Variants in GKAP1 observed in about 807,000 individuals in gnomAD.
GKAP1 encodes the protein G kinase-anchoring protein 1.
GKAP1 carries 31 observed loss-of-function variants against 56.7 expected under a neutral mutation model. That is an observed-to-expected ratio of 0.55 (90% CI 0.41 to 0.74). The LOEUF is 0.74. Ranked by LOEUF, GKAP1 falls within the 30% of genes least tolerant of loss-of-function variation. The pLI, the probability that GKAP1 is intolerant of heterozygous loss-of-function variation, is 0.00. For synonymous variants in GKAP1, 151 were observed against 138.6 expected (o/e 1.09, Z -0.63); for missense variants, 364 against 402.3 (o/e 0.90, Z 0.82).
intron 2 of GKAP1, among the ~76,000 whole-genome samples, chr9:83,811,764 T>C (rs923657777): frequency 6.6e-6 from 1 of 152,272 alleles, no homozygotes; most frequent in East Asian, 1.9e-4. Flanking sequence ...CTTCCCATTA[T>C]ATTAGACTTT....
chr9:83,741,641 T>A (rs1196610777), intron 12 of GKAP1, among the ~76,000 whole-genome samples: 2 of 152,090 alleles, frequency 1.3e-5, no homozygotes, highest in Non-Finnish European at 2.9e-5. Context: ...TATCACTGTA[T>A]CCAAGTGATC....
intron 3 of GKAP1, among the ~76,000 whole-genome samples, chr9:83,802,561 T>C (rs1356548121): frequency 6.6e-6 from 1 of 151,784 alleles, no homozygotes; most frequent in Non-Finnish European, 1.5e-5. Context: ...AGGAATAGTG[T>C]TGCACACCTG....
chr9:83,791,661 C>G (rs557145255), intron 4 of GKAP1, among the ~76,000 whole-genome samples: 5 of 152,212 alleles, frequency 3.3e-5, no homozygotes, highest in Non-Finnish European at 7.3e-5. Context: ...GCTGTGCCCT[C>G]CCTGCCTATG....
At chr9:83,776,459 G>C (rs1943863710) in intron 7 of GKAP1, among the ~76,000 whole-genome samples, 1 of 152,188 alleles carries the variant, frequency 6.6e-6, no homozygotes. Context: ...CACTTTGGGA[G>C]GCCGAGGCAG....
intron 4 of GKAP1, among the ~76,000 whole-genome samples, chr9:83,792,164 T>C (rs1386578555): frequency 6.6e-6 from 1 of 152,214 alleles, no homozygotes; most frequent in Non-Finnish European, 1.5e-5. Context: ...ATATCAACTG[T>C]ACAAGGTAGT....
At chr9:83,812,357 A>C (rs915726974) in intron 2 of GKAP1, among the ~76,000 whole-genome samples, 1 of 148,200 alleles carries the variant, frequency 6.7e-6, no homozygotes, top group Non-Finnish European at 1.5e-5. Flanking sequence ...ATATATATAT[A>C]TATTTTTTTT....
intron 11 of GKAP1, 119 bp downstream of exon 11, chr9:83,742,411 A>G: frequency 1.5e-6 from 1 of 670,536 alleles, no homozygotes; most frequent in South Asian, 2.1e-5. Context: ...TTACATAATA[A>G]TAAAGTATAA....
At chr9:83,779,480 CATACATAT>C (rs1943922703) in intron 7 of GKAP1, among the ~76,000 whole-genome samples, 6 of 124,148 alleles carry the variant, frequency 4.8e-5, no homozygotes, top group Non-Finnish European at 3.4e-5. Flanking sequence ...TATACATATA[CATACATAT>C]ATACACATAT....
At chr9:83,776,800 T>C (rs1943870431) in intron 7 of GKAP1, among the ~76,000 whole-genome samples, 1 of 152,258 alleles carries the variant, frequency 6.6e-6, no homozygotes, top group Non-Finnish European at 1.5e-5. Flanking sequence ...TCAATTGCAC[T>C]CTGATCATTT....
chr9:83,754,733 G>T (rs1026756703), intron 8 of GKAP1, among the ~76,000 whole-genome samples: 1 of 152,222 alleles, frequency 6.6e-6, no homozygotes, highest in Non-Finnish European at 1.5e-5. Flanking sequence ...GGAGGGCCTT[G>T]AAGGCCATAA....
intron 8 of GKAP1, among the ~76,000 whole-genome samples, chr9:83,761,399 CAAT>C (rs1301696013): frequency 6.6e-6 from 1 of 151,738 alleles, no homozygotes; most frequent in Admixed American, 6.6e-5. Flanking sequence ...TCGAACAGAC[CAAT>C]AATAAGATTG....
intron 7 of GKAP1, among the ~76,000 whole-genome samples, chr9:83,773,088 G>A (rs965337061): frequency 5.3e-5 from 8 of 152,076 alleles, no homozygotes; most frequent in African/African-American, 9.7e-5. Flanking sequence ...AACCACCTAC[G>A]AGAAATTAAA....
At chr9:83,803,048 G>A (rs749706943) in intron 3 of GKAP1, among the ~76,000 whole-genome samples, 1 of 152,072 alleles carries the variant, frequency 6.6e-6, no homozygotes, top group Non-Finnish European at 1.5e-5. Flanking sequence ...GGCAGAGGTT[G>A]TAGTGAGCCG....
rs768669281 is a variant in GKAP1, at chr9:83,768,855, T to A, written c.701A>T (p.Asn234Ile). ...EKRREQLTEY[N>I]GTDNCTAHEH... Reference sequence around the variant, plus strand: ...ATGAGCTGTACAATTATCTGTTCCATTATATTCTGTAAGCTGTTCTCTTCG... The same window carrying A: ...ATGAGCTGTACAATTATCTGTTCCAATATATTCTGTAAGCTGTTCTCTTCG... The change falls in exon 8 of 13, where the codon AAT becomes ATT. Residue 234 changes from asparagine (N) to isoleucine (I), a missense_variant. By Grantham distance (149) the Asn-to-Ile change is moderately radical. Transcript: ENST00000376371. The A allele has an allele frequency of 3.1e-6, 5 of 1,612,744 alleles. No homozygotes were observed. Among genetic ancestry groups the A allele is most frequent in the African/African-American group, 1.3e-5 (1 of 75,034 alleles).
chr9:83,779,454 C>CACACACACA (rs1564201408), intron 7 of GKAP1, among the ~76,000 whole-genome samples: 2 of 93,056 alleles, frequency 2.1e-5, no homozygotes, highest in Admixed American at 2.9e-4. Context: ...TATATACACA[C>CACACACACA]ACACACACAC....
At chr9:83,765,519 C>G (rs1472001474) in intron 8 of GKAP1, among the ~76,000 whole-genome samples, 2 of 152,088 alleles carry the variant, frequency 1.3e-5, no homozygotes, top group Non-Finnish European at 2.9e-5. Flanking sequence ...CGGTTTGCAC[C>G]GGAAAAGCTG....
intron 8 of GKAP1, among the ~76,000 whole-genome samples, chr9:83,758,988 A>ATG (rs1203602438): frequency 2.9e-4 from 44 of 152,298 alleles, no homozygotes; most frequent in Middle Eastern, 6.8e-3. Context: ...AATGAAAGCT[A>ATG]AGAAAAACTT....
At chr9:83,742,091 T>C (rs1276427008) in intron 11 of GKAP1, 62 bp from the exon 12 acceptor site, 6 of 950,608 alleles carry the variant, frequency 6.3e-6, no homozygotes, top group Non-Finnish European at 9.9e-6. Context: ...ACTCAATTCT[T>C]AACATATTCA....
intron 7 of GKAP1, among the ~76,000 whole-genome samples, chr9:83,772,045 T>C (rs528410162): frequency 6.6e-6 from 1 of 151,956 alleles, no homozygotes. Context: ...TAACAAACTA[T>C]AGGGGGGAGA....
Sources: allele counts gnomAD v4.1 joint callset (sites outside exome capture counted in the v4.1 genomes callset), GRCh38; gene constraint gnomAD v4.1.1; transcripts MANE v1.5; gene names NCBI Gene and HGNC (gene_info 2026-07-23, HGNC 2026-07-21).